Variants in PCDHGA2 observed in about 807,000 individuals in gnomAD.
The protein encoded by PCDHGA2 is protocadherin gamma-A2.
In PCDHGA2, 40 loss-of-function variants were observed where a neutral mutation model predicts 59.2. The ratio of observed to expected loss-of-function variants is 0.68; its 90% CI spans 0.52 to 0.88. The LOEUF (loss-of-function observed/expected upper bound fraction) is 0.88. Among genes scored for constraint, PCDHGA2 ranks in the 40% least tolerant of loss-of-function variants. The probability of loss-of-function intolerance (pLI) is 0.00; values close to 1 mark genes in which losing one functional copy is unlikely to be tolerated. For synonymous variants in PCDHGA2, 560 were observed against 526.0 expected (o/e 1.06, Z -0.89); for missense variants, 1,226 against 1,204.0 (o/e 1.02, Z -0.27).
In PCDHGA2 at chr5:141,490,729, C is replaced by G. The variant is rs1365931429; in HGVS notation, c.2425-4078C>G. ...CCTCACCTACTCCATTGTAGGAAAT[C>G]AGGTTCAGGGAGCCCCAGCCTCCTC... On this transcript the variant is annotated intron_variant, in intron 1 of 3. Coordinates refer to ENST00000394576, the MANE Select transcript of PCDHGA2 (RefSeq NM_018915.4). The surrounding 1 kb of genome is among the most constrained non-coding windows in gnomAD (Gnocchi z 5.4). 1 of 1,614,184 alleles carries G rather than the reference C, an allele frequency of 6.2e-7. No homozygotes were observed.
intron 1 of PCDHGA2, among the ~76,000 whole-genome samples, chr5:141,453,827 C>T (rs2098775483): frequency 6.6e-6 from 1 of 152,320 alleles, no homozygotes; most frequent in South Asian, 2.1e-4. Flanking sequence ...AACTTGGCTG[C>T]TAGCCCTTCA....
In PCDHGA2 at chr5:141,422,884, G is replaced by C. The variant is rs202035589; in HGVS notation, c.2425-71923G>C. On this transcript the variant is annotated intron_variant, in intron 1 of 3. Transcript: ENST00000394576. ...CAGCAACGTGTCGCTGAGCCTGTTC[G>C]TGCTGGACCAGAACGACAATGCGCC... The C allele has an allele frequency of 1.7e-4, 278 of 1,614,240 alleles. No homozygotes were observed. The African/African-American group carries it at 2.0e-3, about 12-fold the overall frequency.
At chr5:141,418,944 C>T in intron 1 of PCDHGA2, 1 of 1,614,026 alleles carries the variant, frequency 6.2e-7, no homozygotes, top group Non-Finnish European at 8.5e-7. Context: ...GATTCCCCTC[C>T]AGGAGTGGTT....
At chr5:141,492,755 C>T (rs938918009) in intron 1 of PCDHGA2, among the ~76,000 whole-genome samples, 3 of 152,262 alleles carry the variant, frequency 2.0e-5, no homozygotes, top group African/African-American at 7.2e-5. Flanking sequence ...CGCGGCAGGG[C>T]TCCGCGTTGG....
chr5:141,408,661 G>A (rs1462103250), intron 1 of PCDHGA2: 1 of 1,613,770 alleles, frequency 6.2e-7, no homozygotes, highest in Non-Finnish European at 8.5e-7. Context: ...CACGACTATC[G>A]CTTGACCCTG....
In PCDHGA2 at chr5:141,502,866, CT is replaced by C. The variant is rs549047197; in HGVS notation, c.2484-2513del. Among the ~76,000 whole-genome samples the C allele has an allele frequency of 2.5e-3, 324 of 127,930 alleles. 1 individual carries two copies. Among genetic ancestry groups the C allele is most frequent in the Non-Finnish European group, 3.0e-3 (189 of 62,366 alleles). 83.9% of individuals were successfully genotyped at this position (127,930 alleles called of 152,430 possible). On this transcript the variant is annotated intron_variant, in intron 2 of 3. Transcript: ENST00000394576. ...GAGCTGCCTAACCCTGACTCTCTGT[CT>C]TTTTTTTTTTTTTGACAGGGAGTCT...
In PCDHGA2 at chr5:141,485,234, T is replaced by A. The variant is rs780126313; in HGVS notation, c.2425-9573T>A. 1 of 1,614,124 alleles carries A rather than the reference T, an allele frequency of 6.2e-7. No homozygotes were observed. The highest frequency in any genetic ancestry group is 1.1e-5 in the South Asian group (1 of 91,080). On this transcript the variant is annotated intron_variant, in intron 1 of 3. Transcript: ENST00000394576. This position sits in a 1 kb window ranked among gnomAD's most constrained non-coding sequence, Gnocchi z 5.7. ...GCGGTGGGCTACCCTTTTGTTCCTC[T>A]TTTACCACCTGGGTTACGTTTGTGG...
At position 141,389,543 on chromosome 5, in the gene PCDHGA2, C is replaced by A. The variant is rs550025687; in HGVS notation, c.2424+48148C>A. 5.6e-6 allele frequency: 9 copies of A among 1,613,282 alleles called. No individual in the cohort carries two copies. In the East Asian group the frequency reaches 6.7e-5, roughly 12 times the overall value. ...GCCTGCGCGTGTTAGTGGACGACCG[C>A]AACGACAATGCGCCACGGGTGCTGT... On this transcript the variant is annotated intron_variant, in intron 1 of 3. Transcript: ENST00000394576.
chr5:141,366,051 G>A, intron 1 of PCDHGA2: 1 of 1,614,244 alleles, frequency 6.2e-7, no homozygotes, highest in Non-Finnish European at 8.5e-7. Context: ...GGTTCCACGG[G>A]CGTGGAGCTG....
At chr5:141,388,793 T>A (rs1441605740) in intron 1 of PCDHGA2, 2 of 1,613,918 alleles carry the variant, frequency 1.2e-6, no homozygotes, top group Admixed American at 3.3e-5. Flanking sequence ...CTGTTTTAAA[T>A]ACATTAGATT....
rs145748099 is a variant in PCDHGA2, at chr5:141,365,734, T to A, written c.2424+24339T>A. ...CTGTCACAGAAAACAATCCCAGAGG[T>A]GTCTCTATCTTCTCTGTGACAGCCC... On this transcript the variant is annotated intron_variant, in intron 1 of 3. Coordinates refer to ENST00000394576, the MANE Select transcript of PCDHGA2 (RefSeq NM_018915.4). The A allele has an allele frequency of 1.9e-6, 3 of 1,613,550 alleles. No individual in the cohort carries two copies. The African/African-American group carries it at 4.0e-5, about 22-fold the overall frequency.
At chr5:141,421,512 G>A in intron 1 of PCDHGA2, 1 of 1,614,094 alleles carries the variant, frequency 6.2e-7, no homozygotes, top group Non-Finnish European at 8.5e-7. Flanking sequence ...ACCGGGAGGA[G>A]CTCTGTGAGA....
At chr5:141,483,980 G>A (rs1379963326) in intron 1 of PCDHGA2, among the ~76,000 whole-genome samples, 4 of 148,294 alleles carry the variant, frequency 2.7e-5, no homozygotes, top group Non-Finnish European at 5.9e-5. Flanking sequence ...CAAGGGAGTA[G>A]CTAGGTTGCT....
At chr5:141,408,885 T>C (rs1263835706) in intron 1 of PCDHGA2, 3 of 1,612,902 alleles carry the variant, frequency 1.9e-6, no homozygotes, top group East Asian at 2.2e-5. Flanking sequence ...ACCGCTCACA[T>C]AGAAATTTCT....
intron 1 of PCDHGA2, among the ~76,000 whole-genome samples, chr5:141,442,810 T>C (rs2098345227): frequency 6.6e-6 from 1 of 152,222 alleles, no homozygotes; most frequent in Non-Finnish European, 1.5e-5. Context: ...ATTCAAATTG[T>C]ACTGATCCAA....
intron 1 of PCDHGA2, chr5:141,370,610 G>T (rs547118708): frequency 1.9e-6 from 3 of 1,613,986 alleles, no homozygotes; most frequent in Middle Eastern, 1.6e-4. Context: ...TTGCAGAGAA[G>T]AAATTCTTTA....
chr5:141,354,959 G>A, intron 1 of PCDHGA2: 1 of 493,026 alleles, frequency 2.0e-6, no homozygotes, highest in East Asian at 3.2e-5. Context: ...GCAGTAACAG[G>A]TTAAGACTCT....
Position 141,485,274 on chromosome 5 carries a change from C to A in PCDHGA2, c.2425-9533C>A. 1 of 1,614,106 alleles carries A rather than the reference C, an allele frequency of 6.2e-7. No homozygotes were observed. The highest frequency in any genetic ancestry group is 1.3e-5 in the African/African-American group (1 of 75,036). ...TACGTTTGTGGGCAGATCCGCTACC[C>A]GGTCCCAGAGGAGTCACAGGAAGGG... On this transcript the variant is annotated intron_variant, in intron 1 of 3. Transcript: ENST00000394576. The surrounding 1 kb of genome is among the most constrained non-coding windows in gnomAD (Gnocchi z 5.7).
At position 141,389,882 on chromosome 5, in the gene PCDHGA2, G is replaced by T. The variant is rs761230157; in HGVS notation, c.2424+48487G>T. On this transcript the variant is annotated intron_variant, in intron 1 of 3. Transcript: ENST00000394576. ...TGCACCTGGTCTTCGCCGACAGCTT[G>T]CAGGAGGTGCTGCCGGATATCACTG... 1.1e-5 allele frequency: 18 copies of T among 1,614,082 alleles called. No homozygotes were observed. The South Asian group carries it at 1.9e-4, about 17-fold the overall frequency.
Sources: gnomAD v4.1 joint callset for allele counts (sites outside exome capture counted in the v4.1 genomes callset) on GRCh38, gnomAD v4.1.1 for gene constraint, Gnocchi (gnomAD v3.1) non-coding constraint, MANE v1.5 for transcripts, NCBI Gene and HGNC (gene_info 2026-07-23, HGNC 2026-07-21) for gene names.